Variants in ARHGEF7 observed in about 807,000 individuals in gnomAD.
The protein encoded by ARHGEF7 is PAK-interacting exchange factor beta.
In ARHGEF7, 33 loss-of-function variants were observed where a neutral mutation model predicts 109.8. The ratio of observed to expected loss-of-function variants is 0.30; its 90% CI spans 0.23 to 0.40. The LOEUF (loss-of-function observed/expected upper bound fraction) is 0.40, where lower values mean the gene tolerates loss of function less well. Ranked by LOEUF, ARHGEF7 falls within the 10% of genes least tolerant of loss-of-function variation. The pLI is 1.00. For synonymous variants in ARHGEF7, 458 were observed against 424.6 expected (o/e 1.08, Z -0.97); for missense variants, 938 against 1,098.5 (o/e 0.85, Z 2.07).
chr13:111,125,004 C>T (rs2067463756), intron 1 of ARHGEF7, among the ~76,000 whole-genome samples: 1 of 152,196 alleles, frequency 6.6e-6, no homozygotes, highest in African/African-American at 2.4e-5. Context: ...ACGTGATCTG[C>T]CTACCTCGGC....
In ARHGEF7 at chr13:111,291,483, T is replaced by C. The variant is rs1595581142; in HGVS notation, c.2135-635T>C. On this transcript the variant is annotated intron_variant, in intron 18 of 21. Coordinates refer to ENST00000646102, the MANE Select transcript of ARHGEF7 (RefSeq NM_001354046.2). Reference sequence around the variant, plus strand: ...CGCCCTGGGAGCAGGGGGTGGGTTCTGGGGCTGTGGGCCCTGCCCAATCCT... The same window carrying C: ...CGCCCTGGGAGCAGGGGGTGGGTTCCGGGGCTGTGGGCCCTGCCCAATCCT... Among the ~76,000 whole-genome samples the C allele has an allele frequency of 2.0e-5, 3 of 152,372 alleles. No homozygotes were observed. The East Asian group carries it at 5.8e-4, about 29-fold the overall frequency.
chr13:111,302,866 CA>C, intron 21 of ARHGEF7, 124 bp from the exon 22 acceptor site: 1 of 1,251,146 alleles, frequency 8.0e-7, no homozygotes, highest in Non-Finnish European at 1.1e-6. Flanking sequence ...CCTCAGAGCC[CA>C]TAGGCAGCTC....
chr13:111,185,287 C>G (rs1416647009), intron 2 of ARHGEF7: 1 of 152,488 alleles, frequency 6.6e-6, no homozygotes, highest in African/African-American at 2.4e-5. Context: ...GGCTCCCTTA[C>G]AAGTGCTGTT....
rs184401553 is a variant in ARHGEF7 at position 111,203,349 on chromosome 13, G to A, written c.253-1940G>A. ...AGCTTAACCCGTATTTGTTATAGGT[G>A]GTTATGTCAGCCTAGATGCTGCTCT... On this transcript the variant is annotated intron_variant, in intron 2 of 21. Coordinates refer to ENST00000646102, the MANE Select transcript of ARHGEF7 (RefSeq NM_001354046.2). 5.5e-3 allele frequency among the ~76,000 whole-genome samples: 837 copies of A among 152,242 alleles called. 5 individuals are homozygous for A. The highest frequency in any genetic ancestry group is 0.02 in the African/African-American group (815 of 41,542).
rs1331580309 is a variant in ARHGEF7, at chr13:111,142,499, A to C, written c.166-11406A>C. Among the ~76,000 whole-genome samples the C allele has an allele frequency of 2.0e-5, 3 of 152,196 alleles. No individual in the cohort carries two copies. In the East Asian group the frequency reaches 5.8e-4, roughly 29 times the overall value. The stretch of plus-strand genomic sequence containing the variant: ...TTTCAGCCCACCCTGCTGATACTTG[A>C]GTTTTGGGTAATAATGATCTTTTTG... On this transcript the variant is annotated intron_variant, in intron 1 of 21. Transcript: ENST00000646102.
intron 1 of ARHGEF7, among the ~76,000 whole-genome samples, chr13:111,141,065 T>C (rs930431374): frequency 2.6e-5 from 4 of 152,190 alleles, no homozygotes; most frequent in Non-Finnish European, 5.9e-5. Context: ...ATACACTCCC[T>C]TCTTTCAGCC....
intron 2 of ARHGEF7, among the ~76,000 whole-genome samples, chr13:111,167,751 T>C (rs992918663): frequency 3.3e-5 from 5 of 152,252 alleles, no homozygotes; most frequent in African/African-American, 1.2e-4. Flanking sequence ...CACTGTTGAA[T>C]GCTGAGGCAC....
chr13:111,192,254 A>T (rs1176063987), intron 2 of ARHGEF7, among the ~76,000 whole-genome samples: 3 of 152,020 alleles, frequency 2.0e-5, no homozygotes, highest in Non-Finnish European at 4.4e-5. Context: ...CTGCCACCTT[A>T]ACTGCAGTGG....
At chr13:111,159,338 A>G (rs1011339185) in intron 2 of ARHGEF7, among the ~76,000 whole-genome samples, 2 of 152,192 alleles carry the variant, frequency 1.3e-5, no homozygotes, top group Non-Finnish European at 2.9e-5. Context: ...TAGTGCTGCC[A>G]TGAAAATGGG....
chr13:111,280,753 G>A (rs72653556), intron 15 of ARHGEF7, 76 bp downstream of exon 15: 18,633 of 1,345,516 alleles, frequency 0.014, 169 homozygotes, highest in Middle Eastern at 0.03. Context: ...CAAGTGATCA[G>A]TTGCTTTAAA....
In ARHGEF7 at chr13:111,258,816, C is replaced by T. The variant is rs962536522; in HGVS notation, c.951-8732C>T. On this transcript the variant is annotated intron_variant, in intron 8 of 21. Coordinates refer to ENST00000646102, the MANE Select transcript of ARHGEF7 (RefSeq NM_001354046.2). This position sits in a 1 kb window ranked among gnomAD's most constrained non-coding sequence, Gnocchi z 4.4. ...AGGCCTTGGCTGTTAGACATGATTT[C>T]GGGACCTGCTGTGGGCTAGAAGGCA... 1.2e-4 allele frequency among the ~76,000 whole-genome samples: 19 copies of T among 152,100 alleles called. No homozygotes were observed. Among genetic ancestry groups the T allele is most frequent in the African/African-American group, 4.3e-4 (18 of 41,394 alleles).
At position 111,305,521 on chromosome 13, in the gene ARHGEF7, C is replaced by T. The variant is rs918214806; in HGVS notation, c.*2408C>T. Reference sequence around the variant, plus strand: ...AGTGGCGTCTGTGCTTGTCCACATGCGCTGGGCGTCTGGGACCTTGAATGC... The same window carrying T: ...AGTGGCGTCTGTGCTTGTCCACATGTGCTGGGCGTCTGGGACCTTGAATGC... On this transcript the variant is annotated 3_prime_UTR_variant, in exon 22 of 22. Transcript: ENST00000646102. The T allele has an allele frequency of 1.5e-4, 23 of 152,212 alleles. No homozygotes were observed. Among genetic ancestry groups the T allele is most frequent in the Admixed American group, 1.4e-3 (21 of 15,282 alleles). The allele number at this position is 152,212 out of a possible 1,614,324, so 9.4% of individuals were successfully genotyped here.
At chr13:111,119,625 G>C (rs1448926823) in intron 1 of ARHGEF7, among the ~76,000 whole-genome samples, 2 of 152,234 alleles carry the variant, frequency 1.3e-5, no homozygotes, top group African/African-American at 4.8e-5. Flanking sequence ...GTGTGGGTAA[G>C]AATATGGTTT....
chr13:111,284,088 A>T (rs1005497889), intron 16 of ARHGEF7, among the ~76,000 whole-genome samples: 1 of 152,146 alleles, frequency 6.6e-6, no homozygotes, highest in Non-Finnish European at 1.5e-5. Context: ...AGTTGTTTTC[A>T]TAAGCAGTTG....
chr13:111,251,617 A>G (rs952769288), intron 8 of ARHGEF7, among the ~76,000 whole-genome samples: 6 of 152,230 alleles, frequency 3.9e-5, no homozygotes, highest in Non-Finnish European at 5.9e-5. Flanking sequence ...CCACTGACTT[A>G]TAATCATTCA....
At chr13:111,135,174 C>A (rs2075023569) in intron 1 of ARHGEF7, among the ~76,000 whole-genome samples, 1 of 152,184 alleles carries the variant, frequency 6.6e-6, no homozygotes. Flanking sequence ...TGTTTTGGTA[C>A]CAGTACCATG....
rs2075537880 is a variant in ARHGEF7, at chr13:111,145,386, T to C, written c.166-8519T>C. On this transcript the variant is annotated intron_variant, in intron 1 of 21. Coordinates refer to ENST00000646102, the MANE Select transcript of ARHGEF7 (RefSeq NM_001354046.2). The surrounding 1 kb of genome is among the most constrained non-coding windows in gnomAD (Gnocchi z 4.3). ...AGGAAGAAGGACAACCTAGAAGAGA[T>C]GGGTTAATGACAGAAAAGTCATTAA... Among the ~76,000 whole-genome samples, 1 of 152,130 alleles carries C rather than the reference T, an allele frequency of 6.6e-6. No individual in the cohort carries two copies. Among genetic ancestry groups the C allele is most frequent in the Non-Finnish European group, 1.5e-5 (1 of 68,016 alleles).
rs755292541 is a variant in ARHGEF7 at position 111,228,212 on chromosome 13, C to T, written c.671-4993C>T. Among the ~76,000 whole-genome samples, 1 of 152,218 alleles carries T rather than the reference C, an allele frequency of 6.6e-6. No homozygotes were observed. Among genetic ancestry groups the T allele is most frequent in the Non-Finnish European group, 1.5e-5 (1 of 68,042 alleles). ...TGGCACAGCAGCCAGATGTGCTGCGCAGACTTCATTTGGTTCCTGATTCAA... is the reference window on the plus strand; with the variant it reads ...TGGCACAGCAGCCAGATGTGCTGCGTAGACTTCATTTGGTTCCTGATTCAA... On this transcript the variant is annotated intron_variant, in intron 5 of 21. Coordinates refer to ENST00000646102, the MANE Select transcript of ARHGEF7 (RefSeq NM_001354046.2). This position sits in a 1 kb window ranked among gnomAD's most constrained non-coding sequence, Gnocchi z 4.6.
intron 2 of ARHGEF7, 138 bp downstream of exon 2, chr13:111,154,129 A>G (rs960666003): frequency 9.6e-6 from 9 of 937,396 alleles, no homozygotes; most frequent in African/African-American, 1.8e-5. Context: ...AGAGTCCGGG[A>G]TGTGTGGAAC....
Sources: allele counts gnomAD v4.1 joint callset (sites outside exome capture counted in the v4.1 genomes callset), GRCh38; gene constraint gnomAD v4.1.1; non-coding constraint Gnocchi (gnomAD v3.1); transcripts MANE v1.5; gene names NCBI Gene and HGNC (gene_info 2026-07-23, HGNC 2026-07-21).